DOCK1: variants seen among roughly 807,000 people sequenced by gnomAD.
The protein encoded by DOCK1 is dedicator of cytokinesis protein 1.
A neutral mutation model predicts 262.7 loss-of-function variants in DOCK1; 138 were observed. The ratio of observed to expected loss-of-function variants is 0.53; its 90% CI spans 0.46 to 0.61. The LOEUF (loss-of-function observed/expected upper bound fraction) is 0.61, where lower values mean the gene tolerates loss of function less well. DOCK1 is among the 20% of genes least tolerant of loss of function. The pLI, the probability that DOCK1 is intolerant of heterozygous loss-of-function variation, is 0.00. For synonymous variants in DOCK1, 866 were observed against 867.4 expected, an observed-to-expected ratio of 1.00 and a Z score of 0.03; for missense variants, 1,908 against 2,370.7, an observed-to-expected ratio of 0.80 and a Z score of 4.05.
intron 27 of DOCK1, among the ~76,000 whole-genome samples, chr10:127,169,167 A>G (rs1012571810): frequency 8.5e-5 from 13 of 152,200 alleles, no homozygotes; most frequent in Admixed American, 6.5e-5. Flanking sequence ...CATATACATT[A>G]TACATACATA....
chr10:127,410,934 A>C lies in DOCK1; in HGVS notation c.4428+10A>C. 1.2e-6 allele frequency: 2 copies of C among 1,611,940 alleles called. No individual in the cohort carries two copies. Among genetic ancestry groups the C allele is most frequent in the South Asian group, 2.2e-5 (2 of 90,414 alleles). On this transcript the variant is annotated intron_variant, in intron 43 of 51. Coordinates refer to ENST00000623213, the MANE Select transcript of DOCK1 (RefSeq NM_001290223.2). The stretch of plus-strand genomic sequence containing the variant: ...AGACAATGAATTTGCGGTAAAAAAC[A>C]AACAAACCACCAAACCAAACAACAA...
At chr10:127,118,592 G>A (rs947802454) in intron 25 of DOCK1, among the ~76,000 whole-genome samples, 9 of 152,164 alleles carry the variant, frequency 5.9e-5, no homozygotes, top group South Asian at 2.1e-4. Context: ...AATAGTCCAC[G>A]TGCTACTGTG....
intron 24 of DOCK1, 51 bp downstream of exon 24, chr10:127,106,352 T>A: frequency 6.4e-7 from 1 of 1,550,388 alleles, no homozygotes; most frequent in East Asian, 2.4e-5. Context: ...TGTGACCTCC[T>A]TCTCAGTGTG....
chr10:127,352,654 G>A (rs1050233446), intron 31 of DOCK1, among the ~76,000 whole-genome samples: 3 of 151,950 alleles, frequency 2.0e-5, no homozygotes, highest in Admixed American at 6.6e-5. Flanking sequence ...GTGCAGTGGC[G>A]AGATCTCAGC....
Position 126,990,580 on chromosome 10 carries a change from A to C in DOCK1, c.450A>C (p.Thr150=). 1.2e-6 allele frequency: 2 copies of C among 1,613,684 alleles called. No individual in the cohort carries two copies. Among genetic ancestry groups the C allele is most frequent in the Non-Finnish European group, 1.7e-6 (2 of 1,179,836 alleles). Residue 150 remains threonine, a synonymous_variant, in exon 6 of 52, where the codon ACA becomes ACC. Coordinates refer to ENST00000623213, the MANE Select transcript of DOCK1 (RefSeq NM_001290223.2). The part of the protein sequence containing the change: ...DELKELKKKV[T]AKIDYGNRIL... Reference sequence around the variant, plus strand: ...TCAAAGAACTGAAGAAGAAGGTCACAGCCAAAATTGATTATGGAAACAGGT... The same window carrying C: ...TCAAAGAACTGAAGAAGAAGGTCACCGCCAAAATTGATTATGGAAACAGGT...
rs1347378148 is a variant in DOCK1 at position 127,343,799 on chromosome 10, G to A, written c.3224+53G>A. On this transcript the variant is annotated intron_variant, in intron 31 of 51. Coordinates refer to ENST00000623213, the MANE Select transcript of DOCK1 (RefSeq NM_001290223.2). ...CAGGCAGGAGCCTCCAACTCTAATC[G>A]CATAATTTTCATGTCATTTCTAAGC... is the stretch of plus-strand genomic sequence containing the variant. The A allele has an allele frequency of 7.2e-6, 10 of 1,379,816 alleles. No individual in the cohort carries two copies. In the African/African-American group the frequency reaches 7.3e-5, roughly 10 times the overall value. 85.5% of individuals were successfully genotyped at this position (1,379,816 alleles called of 1,614,324 possible). A position where few individuals can be genotyped will look rare whatever the true frequency, so the allele number is the denominator to read the frequency against.
chr10:127,292,198 T>G (rs1368894490), intron 29 of DOCK1, among the ~76,000 whole-genome samples: 5 of 152,168 alleles, frequency 3.3e-5, no homozygotes, highest in Non-Finnish European at 7.3e-5. Context: ...AATTTTTCTT[T>G]TTAAATCCTC....
rs35535729 is a variant in DOCK1, at chr10:127,422,158, C to CTTTTTTTTTT, written c.4776+2427_4776+2436dup. Among the ~76,000 whole-genome samples the CTTTTTTTTTT allele has an allele frequency of 2.9e-4, 18 of 61,384 alleles. 3 individuals are homozygous for CTTTTTTTTTT. Among genetic ancestry groups the CTTTTTTTTTT allele is most frequent in the East Asian group, 4.8e-4 (1 of 2,076 alleles). 40.3% of individuals were successfully genotyped at this position (61,384 alleles called of 152,430 possible). A position where few individuals can be genotyped will look rare whatever the true frequency, so the allele number is the denominator to read the frequency against. ...CAACAAGACTTGTTATTTTGTTTGT[C>CTTTTTTTTTT]TTTTTTTTTTTTTTTTTTTTTTTTT... On this transcript the variant is annotated intron_variant, in intron 46 of 51. Transcript: ENST00000623213.
intron 27 of DOCK1, among the ~76,000 whole-genome samples, chr10:127,199,698 C>G (rs116387564): frequency 6.6e-6 from 1 of 152,108 alleles, no homozygotes; most frequent in Non-Finnish European, 1.5e-5. Flanking sequence ...ACTCGTTGCC[C>G]GGGACCACAG....
intron 18 of DOCK1, among the ~76,000 whole-genome samples, chr10:127,035,392 A>C (rs1403023937): frequency 6.6e-6 from 1 of 152,176 alleles, no homozygotes; most frequent in Non-Finnish European, 1.5e-5. Context: ...AGGAGTCATG[A>C]ATATGGGCTG....
chr10:127,324,932 T>G (rs2062692745), intron 29 of DOCK1, among the ~76,000 whole-genome samples: 1 of 152,052 alleles, frequency 6.6e-6, no homozygotes, highest in African/African-American at 2.4e-5. Flanking sequence ...ACCAGCATCC[T>G]CCAGACCCAC....
chr10:127,253,413 G>T (rs1398913201), intron 28 of DOCK1, among the ~76,000 whole-genome samples: 1 of 152,154 alleles, frequency 6.6e-6, no homozygotes, highest in Non-Finnish European at 1.5e-5. Context: ...ACACCAGCTG[G>T]ATGTCCTACA....
chr10:126,986,385 A>G (rs1043151619), intron 4 of DOCK1, among the ~76,000 whole-genome samples: 1 of 152,142 alleles, frequency 6.6e-6, no homozygotes, highest in Non-Finnish European at 1.5e-5. Context: ...GTAGGTGGGA[A>G]CTATTGTAGC....
intron 29 of DOCK1, among the ~76,000 whole-genome samples, chr10:127,271,026 T>TAC (rs370701091): frequency 9.2e-5 from 14 of 151,706 alleles, no homozygotes; most frequent in South Asian, 4.2e-4. Context: ...TATGTATATA[T>TAC]ACACACACAC....
At chr10:127,451,054 A>G (rs2070929565) in intron 51 of DOCK1, among the ~76,000 whole-genome samples, 1 of 152,184 alleles carries the variant, frequency 6.6e-6, no homozygotes, top group African/African-American at 2.4e-5. Flanking sequence ...GATAGCATCT[A>G]GATTTAAAAA....
chr10:127,026,263 C>T (rs1012650875), intron 15 of DOCK1, 89 bp from the exon 16 acceptor site: 20 of 1,221,476 alleles, frequency 1.6e-5, no homozygotes, highest in Non-Finnish European at 2.2e-5. Context: ...GAAATGTTTA[C>T]AGTTGTACCT....
At chr10:127,381,638 G>A (rs1257790173) in intron 37 of DOCK1, among the ~76,000 whole-genome samples, 4 of 152,232 alleles carry the variant, frequency 2.6e-5, no homozygotes, top group Non-Finnish European at 5.9e-5. Flanking sequence ...CTGACAGCAA[G>A]TTAGAGATTC....
intron 49 of DOCK1, among the ~76,000 whole-genome samples, chr10:127,441,505 GTC>G (rs1186348396): frequency 6.6e-6 from 1 of 152,232 alleles, no homozygotes; most frequent in Admixed American, 6.5e-5. Flanking sequence ...CAACCTGTCT[GTC>G]TACGCAGAGG....
chr10:127,303,045 A>G (rs2135444033), intron 29 of DOCK1, among the ~76,000 whole-genome samples: 1 of 152,322 alleles, frequency 6.6e-6, no homozygotes, highest in South Asian at 2.1e-4. Flanking sequence ...TTAAGGAAAG[A>G]GTTATTCTGA....
Sources: gnomAD v4.1 joint callset for allele counts (sites outside exome capture counted in the v4.1 genomes callset) on GRCh38, gnomAD v4.1.1 for gene constraint, MANE v1.5 for transcripts, NCBI Gene and HGNC (gene_info 2026-07-23, HGNC 2026-07-21) for gene names.